TMEM132B: variants seen among roughly 807,000 people sequenced by gnomAD.
The protein encoded by TMEM132B is transmembrane protein 132B.
Under a neutral mutation model 90.8 loss-of-function variants are expected in TMEM132B, and 18 were observed. The observed-to-expected ratio is 0.20, with a 90% CI of 0.14 to 0.29. TMEM132B has a LOEUF of 0.29. TMEM132B is among the 10% of genes least tolerant of loss of function. The pLI is 1.00. For missense variants in TMEM132B, 1,096 were observed against 1,326.8 expected (o/e 0.83, Z 2.70); for synonymous variants, 504 against 523.3 (o/e 0.96, Z 0.50).
At chr12:125,479,992 C>T (rs538298852) in intron 3 of TMEM132B, among the ~76,000 whole-genome samples, 1 of 152,302 alleles carries the variant, frequency 6.6e-6, no homozygotes, top group East Asian at 1.9e-4. Flanking sequence ...ACTGAACAAC[C>T]TGCTCCTGAT....
At position 125,650,744 on chromosome 12, in the gene TMEM132B, C is replaced by A. The variant is rs758736045; in HGVS notation, c.1705C>A (p.Gln569Lys). ...GAAGAAGGGACGAGGCTGCTCCCTG[C>A]AGTACCAGCACGCCACAGTGCGTGT... ...EEKKGRGCSL[Q>K]YQHATVRVLT... The change falls in exon 7 of 9, where the codon CAG becomes AAG. Residue 569 changes from glutamine (Q) to lysine (K), a missense_variant. Coordinates refer to ENST00000682704, the MANE Select transcript of TMEM132B (RefSeq NM_001366854.1). 9.9e-6 allele frequency: 16 copies of A among 1,614,218 alleles called. No individual in the cohort carries two copies. The highest frequency in any genetic ancestry group is 8.8e-5 in the South Asian group (8 of 91,088).
Position 125,229,385 on chromosome 12 carries a change from C to T in TMEM132B, c.67+42519C>T, listed in dbSNP as rs78544007. On this transcript the variant is annotated intron_variant, in intron 1 of 8. Transcript: ENST00000682704. ...TTCAGTCAGTGCGGTGAGTCCTGGC[C>T]TCGAAGGTCCTTACCGTCACTAGGT... 2.4e-3 allele frequency among the ~76,000 whole-genome samples: 369 copies of T among 152,250 alleles called. 1 individual carries two copies. The highest frequency in any genetic ancestry group is 8.4e-3 in the African/African-American group (348 of 41,538).
chr12:125,600,322 C>A (rs1885540270), intron 5 of TMEM132B, among the ~76,000 whole-genome samples: 1 of 152,198 alleles, frequency 6.6e-6, no homozygotes, highest in Admixed American at 6.5e-5. Context: ...CTCTTTCCTT[C>A]ACCTCTGGCC....
intron 2 of TMEM132B, among the ~76,000 whole-genome samples, chr12:125,380,540 A>G (rs1229471802): frequency 6.6e-6 from 1 of 152,196 alleles, no homozygotes; most frequent in Non-Finnish European, 1.5e-5. Flanking sequence ...TTATGGATAG[A>G]TTCCAAGCAC....
intron 4 of TMEM132B, among the ~76,000 whole-genome samples, chr12:125,572,946 C>T (rs1884836199): frequency 6.6e-6 from 1 of 152,120 alleles, no homozygotes; most frequent in African/African-American, 2.4e-5. Context: ...CTAAAATTGT[C>T]CCAAACTGGA....
intron 7 of TMEM132B, among the ~76,000 whole-genome samples, chr12:125,651,306 G>A (rs1198492439): frequency 1.3e-5 from 2 of 152,162 alleles, no homozygotes; most frequent in African/African-American, 4.8e-5. Flanking sequence ...TTATACTGCT[G>A]AAAGCTAGTG....
chr12:125,426,432 A>T (rs1247465290), intron 3 of TMEM132B, among the ~76,000 whole-genome samples: 2 of 152,142 alleles, frequency 1.3e-5, no homozygotes, highest in Non-Finnish European at 2.9e-5. Context: ...CTACCTTTGG[A>T]TGACTAAAAA....
chr12:125,422,143 A>G (rs905800310), intron 3 of TMEM132B, among the ~76,000 whole-genome samples: 1 of 152,260 alleles, frequency 6.6e-6, no homozygotes, highest in African/African-American at 2.4e-5. Flanking sequence ...ACCAGGCACT[A>G]TGTTATGTCT....
chr12:125,412,692 C>T (rs542179071), intron 2 of TMEM132B, among the ~76,000 whole-genome samples: 1 of 152,176 alleles, frequency 6.6e-6, no homozygotes, highest in Admixed American at 6.5e-5. Context: ...TAGCAAGTAC[C>T]GATAGGAAGG....
chr12:125,525,694 G>A (rs763941792), intron 4 of TMEM132B, among the ~76,000 whole-genome samples: 23 of 152,220 alleles, frequency 1.5e-4, no homozygotes, highest in Non-Finnish European at 2.4e-4. Context: ...TGCAGGTGGG[G>A]TGGTGGCCAG....
intron 3 of TMEM132B, among the ~76,000 whole-genome samples, chr12:125,481,307 A>T (rs1259437971): frequency 6.6e-6 from 1 of 152,246 alleles, no homozygotes; most frequent in Non-Finnish European, 1.5e-5. Flanking sequence ...GAAAAGAGGA[A>T]GTCAAATTGT....
At chr12:125,298,974 C>T (rs1033063122) in intron 1 of TMEM132B, among the ~76,000 whole-genome samples, 2 of 152,004 alleles carry the variant, frequency 1.3e-5, no homozygotes, top group Non-Finnish European at 2.9e-5. Flanking sequence ...ACCTCGTGAT[C>T]TGCCTGCCTC....
chr12:125,515,916 G>T (rs1883142025), intron 3 of TMEM132B, among the ~76,000 whole-genome samples: 1 of 149,858 alleles, frequency 6.7e-6, no homozygotes, highest in Non-Finnish European at 1.5e-5. Context: ...ACAAACACAT[G>T]TACATATCCT....
intron 3 of TMEM132B, 30 bp from the exon 4 acceptor site, chr12:125,519,409 A>G (rs1566061417): frequency 3.2e-6 from 5 of 1,568,908 alleles, no homozygotes; most frequent in Non-Finnish European, 4.3e-6. Context: ...GAGGTTTTAA[A>G]TGGAACCTTA....
At chr12:125,229,263 G>A (rs1290247586) in intron 1 of TMEM132B, among the ~76,000 whole-genome samples, 1 of 152,184 alleles carries the variant, frequency 6.6e-6, no homozygotes, top group Non-Finnish European at 1.5e-5. Flanking sequence ...AAGTCTTTCT[G>A]GGGAATTCTT....
Position 125,622,562 on chromosome 12 carries a change from G to A in TMEM132B, c.1438-21514G>A, listed in dbSNP as rs578080582. 3.0e-5 allele frequency: 30 copies of A among 985,344 alleles called. No individual in the cohort carries two copies. In the South Asian group the frequency reaches 4.7e-4, roughly 15 times the overall value. 61.0% of individuals were successfully genotyped at this position (985,344 alleles called of 1,614,324 possible). On this transcript the variant is annotated intron_variant, in intron 5 of 8. Transcript: ENST00000682704. ...CATGCTTTCACATCAAGCCTTCCTC[G>A]GTGACTTGCTCAGCCTGACTGTGTT... is the stretch of plus-strand genomic sequence containing the variant.
intron 1 of TMEM132B, among the ~76,000 whole-genome samples, chr12:125,290,796 A>C (rs533020161): frequency 1.4e-4 from 21 of 152,268 alleles, no homozygotes; most frequent in Middle Eastern, 3.4e-3. Flanking sequence ...ACAAATGCAA[A>C]ACTTCCTCCA....
intron 5 of TMEM132B, chr12:125,584,227 A>G (rs971404259): frequency 3.6e-6 from 2 of 551,976 alleles, no homozygotes; most frequent in Admixed American, 3.1e-5. Context: ...CTGACCCTTA[A>G]TCTCCAGCAG....
chr12:125,644,148 T>C lies in TMEM132B; in HGVS notation c.1510T>C (p.Phe504Leu). ...MKSKVDTIVNFTHQHFTSQFE... is the reference protein window; with the variant it reads ...MKSKVDTIVNLTHQHFTSQFE... ...GAGCAAAGTGGACACGATTGTGAAC[T>C]TCACCCACCAGCACTTCACCTCCCA... is the stretch of plus-strand genomic sequence containing the variant. The change falls in exon 6 of 9, where the codon TTC becomes CTC. Residue 504 changes from phenylalanine (F) to leucine (L), a missense_variant. Phe to Leu is a conservative substitution (Grantham distance 22). Coordinates refer to ENST00000682704, the MANE Select transcript of TMEM132B (RefSeq NM_001366854.1). The C allele has an allele frequency of 1.2e-6, 2 of 1,614,222 alleles. No individual in the cohort carries two copies. The highest frequency in any genetic ancestry group is 1.7e-6 in the Non-Finnish European group (2 of 1,180,042).
Sources: gnomAD v4.1 joint callset for allele counts (sites outside exome capture counted in the v4.1 genomes callset) on GRCh38, gnomAD v4.1.1 for gene constraint, MANE v1.5 for transcripts, NCBI Gene and HGNC (gene_info 2026-07-23, HGNC 2026-07-21) for gene names.